NBEAL1: variants seen among roughly 807,000 people sequenced by gnomAD.
NBEAL1 encodes neurobeachin like 1, also known as neurobeachin-like protein 1.
NBEAL1 carries 273 observed loss-of-function variants against 351.3 expected under a neutral mutation model. That is an observed-to-expected ratio of 0.78 (90% CI 0.70 to 0.86). NBEAL1 has a LOEUF of 0.86. NBEAL1 is among the 40% of genes least tolerant of loss of function. The probability of loss-of-function intolerance (pLI) is 0.00; values close to 1 mark genes in which losing one functional copy is unlikely to be tolerated. For missense variants in NBEAL1, 2,961 were observed against 3,201.3 expected (o/e 0.92, Z 1.81); for synonymous variants, 1,050 against 1,086.4 (o/e 0.97, Z 0.66).
At chr2:203,198,549 G>A (rs1353618603) in intron 48 of NBEAL1, among the ~76,000 whole-genome samples, 1 of 152,130 alleles carries the variant, frequency 6.6e-6, no homozygotes, top group East Asian at 1.9e-4. Context: ...GAGAAATCAT[G>A]AGAAAAAATA....
intron 24 of NBEAL1, among the ~76,000 whole-genome samples, chr2:203,128,486 A>C (rs1375738851): frequency 2.6e-5 from 4 of 151,896 alleles, no homozygotes; most frequent in African/African-American, 9.7e-5. Flanking sequence ...TAGCTAGAAA[A>C]TTTAATATAT....
chr2:203,121,100 A>G (rs1252457176), intron 18 of NBEAL1, among the ~76,000 whole-genome samples: 1 of 152,192 alleles, frequency 6.6e-6, no homozygotes, highest in Non-Finnish European at 1.5e-5. Context: ...TTCTAAAGTT[A>G]CAGACTAAGC....
At chr2:203,206,046 C>T (rs916541983) in intron 51 of NBEAL1, among the ~76,000 whole-genome samples, 2 of 152,068 alleles carry the variant, frequency 1.3e-5, no homozygotes, top group Admixed American at 6.5e-5. Context: ...AGACAAAGCA[C>T]GCTAAAGACA....
intron 2 of NBEAL1, among the ~76,000 whole-genome samples, chr2:203,027,376 T>C (rs751649546): frequency 1.3e-5 from 2 of 152,192 alleles, no homozygotes; most frequent in Non-Finnish European, 2.9e-5. Context: ...GATATCAACA[T>C]TTTTCTTGAT....
chr2:203,068,111 A>G (rs2061623464), intron 6 of NBEAL1, among the ~76,000 whole-genome samples: 1 of 152,202 alleles, frequency 6.6e-6, no homozygotes, highest in Admixed American at 6.5e-5. Flanking sequence ...AAATTCTTTT[A>G]CAGATTGGAA....
chr2:203,111,925 A>T, intron 15 of NBEAL1, 54 bp from the exon 16 acceptor site: 2 of 1,514,248 alleles, frequency 1.3e-6, no homozygotes. Flanking sequence ...AGCATTTGTC[A>T]TTCCAAAGAC....
At chr2:203,099,104 T>C (rs1425016479) in intron 11 of NBEAL1, among the ~76,000 whole-genome samples, 1 of 151,960 alleles carries the variant, frequency 6.6e-6, no homozygotes, top group Non-Finnish European at 1.5e-5. Context: ...GGAGAAACCC[T>C]GTCTCTACTA....
At chr2:203,082,503 A>G (rs1206840910) in intron 8 of NBEAL1, among the ~76,000 whole-genome samples, 1 of 152,238 alleles carries the variant, frequency 6.6e-6, no homozygotes, top group Non-Finnish European at 1.5e-5. Flanking sequence ...AATTTAGGGC[A>G]ATACATATTG....
rs2062975589 is a variant in NBEAL1, at chr2:203,127,776, T to C, written c.3249-5T>C. On this transcript the variant is annotated splice_region_variant and splice_polypyrimidine_tract_variant and intron_variant, in intron 23 of 55. Coordinates refer to ENST00000683969, the MANE Select transcript of NBEAL1 (RefSeq NM_001378026.1). ...TCAATTCTTATACTTTGTTTTGTCT[T>C]TCAGGAATGGTTGTAAATATAATGA... The C allele has an allele frequency of 6.7e-7, 1 of 1,487,390 alleles. No homozygotes were observed. The highest frequency in any genetic ancestry group is 2.5e-5 in the East Asian group (1 of 40,480). 92.1% of individuals were successfully genotyped at this position (1,487,390 alleles called of 1,614,324 possible).
intron 31 of NBEAL1, among the ~76,000 whole-genome samples, chr2:203,141,363 A>ATTATTTTTT (rs1431689071): frequency 5.7e-5 from 1 of 17,488 alleles, no homozygotes; most frequent in Non-Finnish European, 1.4e-4. Flanking sequence ...TATTATTATT[A>ATTATTTTTT]TTATTTTTTT....
At chr2:203,146,897 A>T (rs1211735529) in intron 33 of NBEAL1, among the ~76,000 whole-genome samples, 5 of 152,216 alleles carry the variant, frequency 3.3e-5, no homozygotes, top group African/African-American at 7.2e-5. Context: ...TAATATACTG[A>T]ACCGCATTAG....
At chr2:203,148,874 G>A (rs2063576378) in intron 33 of NBEAL1, 117 bp from the exon 34 acceptor site, 8 of 822,280 alleles carry the variant, frequency 9.7e-6, no homozygotes, top group Non-Finnish European at 1.4e-5. Context: ...TGGTTACTTA[G>A]CTTCTTTCTC....
At chr2:203,162,122 C>T (rs1252337073) in intron 36 of NBEAL1, among the ~76,000 whole-genome samples, 2 of 144,528 alleles carry the variant, frequency 1.4e-5, no homozygotes, top group Non-Finnish European at 3.0e-5. Flanking sequence ...CTCCTGGGTT[C>T]GAGTGATTCT....
rs2061908830 is a variant in NBEAL1 at position 203,083,517 on chromosome 2, A to G, written c.983A>G (p.Lys328Arg). 6.5e-7 allele frequency: 1 copy of G among 1,535,896 alleles called. No homozygotes were observed. The highest frequency in any genetic ancestry group is 2.1e-5 in the Admixed American group (1 of 48,630). The stretch of plus-strand genomic sequence containing the variant: ...AACCGATTTATTGCTCTACAGATCA[A>G]AATGCTGAGTAAGTATTACATAATG... ...WENRFIALQIKMLNTITAMLD... is the reference protein window; with the variant it reads ...WENRFIALQIRMLNTITAMLD... The change falls in exon 9 of 56, where the codon AAA (lysine) becomes AGA (arginine). Residue 328 changes from lysine (K) to arginine (R), a missense_variant. Lys to Arg is a conservative substitution (Grantham distance 26, BLOSUM62 2). Coordinates refer to ENST00000683969, the MANE Select transcript of NBEAL1 (RefSeq NM_001378026.1).
intron 36 of NBEAL1, among the ~76,000 whole-genome samples, chr2:203,160,076 T>A (rs1410847883): frequency 7.8e-6 from 1 of 128,932 alleles, no homozygotes; most frequent in Non-Finnish European, 1.6e-5. Context: ...TGCCCCCCGC[T>A]ATTTTTTTTT....
intron 14 of NBEAL1, among the ~76,000 whole-genome samples, chr2:203,108,396 G>GTTT (rs35488570): frequency 1.4e-5 from 2 of 145,718 alleles, no homozygotes; most frequent in African/African-American, 2.5e-5. Context: ...TGCTGGTTAA[G>GTTT]TTTTTTTTTT....
chr2:203,147,741 C>T (rs2063547583), intron 33 of NBEAL1, among the ~76,000 whole-genome samples: 1 of 151,900 alleles, frequency 6.6e-6, no homozygotes, highest in African/African-American at 2.4e-5. Context: ...GACTCATTTA[C>T]TAGTTTTTTT....
chr2:203,125,832 T>C (rs1382131665), intron 20 of NBEAL1, 128 bp from the exon 21 acceptor site: 15 of 733,380 alleles, frequency 2.0e-5, no homozygotes, highest in Non-Finnish European at 2.5e-5. Flanking sequence ...TATTGTACAA[T>C]AGAGCGTTGG....
intron 19 of NBEAL1, among the ~76,000 whole-genome samples, chr2:203,124,225 T>G (rs202232606): frequency 6.6e-6 from 1 of 152,046 alleles, no homozygotes; most frequent in Non-Finnish European, 1.5e-5. Context: ...CTCAGCTACT[T>G]GGGAGGCTGA....
Sources: gnomAD v4.1 joint callset for allele counts (sites outside exome capture counted in the v4.1 genomes callset) on GRCh38, gnomAD v4.1.1 for gene constraint, MANE v1.5 for transcripts, NCBI Gene and HGNC (gene_info 2026-07-23, HGNC 2026-07-21) for gene names.